Variants in ZNF235 observed in about 807,000 individuals in gnomAD.
ZNF235 encodes the protein zfp-93.
In ZNF235, 25 loss-of-function variants were observed where a neutral mutation model predicts 29.4. That is an observed-to-expected ratio of 0.85 (90% CI 0.62 to 1.19). ZNF235 has a LOEUF of 1.19. Among genes scored for constraint, ZNF235 ranks in the 50% most tolerant of loss-of-function variants. The pLI is 0.00. For missense variants in ZNF235, 788 were observed against 885.0 expected (o/e 0.89, Z 1.39); for synonymous variants, 300 against 295.3 (o/e 1.02, Z -0.16).
In ZNF235 at chr19:44,288,059, T is replaced by C; in HGVS notation, c.1376A>G (p.Tyr459Cys). 6.2e-7 allele frequency: 1 copy of C among 1,614,130 alleles called. No individual in the cohort carries two copies. The highest frequency in any genetic ancestry group is 1.1e-5 in the South Asian group (1 of 91,080). Residue 459 changes from tyrosine to cysteine, a missense_variant, in exon 5 of 5, where the codon TAC becomes TGC. Transcript: ENST00000291182. ...HQRVHTEEKP[Y>C]KCDECGKCFS... ...GCACTTACCACACTCATCACATTTG[T>C]ATGGTTTTTCTTCAGTGTGGACTCT...
chr19:44,304,900 G>A (rs931100069), intron 1 of ZNF235, 71 bp downstream of exon 1: 2 of 985,370 alleles, frequency 2.0e-6, no homozygotes, highest in Non-Finnish European at 2.4e-6. Context: ...AGCCAAGGAC[G>A]GGTTCATTGC....
At chr19:44,298,996 C>G (rs985647757) in intron 3 of ZNF235, 93 bp from the exon 4 acceptor site, 2 of 810,300 alleles carry the variant, frequency 2.5e-6, no homozygotes, top group Non-Finnish European at 2.0e-6. Flanking sequence ...TCCTCCCTGC[C>G]CCAGCATGCA....
intron 2 of ZNF235, among the ~76,000 whole-genome samples, chr19:44,301,798 G>T (rs1011992680): frequency 1.3e-5 from 2 of 152,088 alleles, no homozygotes; most frequent in Admixed American, 1.3e-4. Flanking sequence ...TTCTGGCTTA[G>T]GCACTGGAAG....
chr19:44,302,250 G>A (rs1975748668), intron 2 of ZNF235, among the ~76,000 whole-genome samples: 1 of 152,040 alleles, frequency 6.6e-6, no homozygotes, highest in Admixed American at 6.6e-5. Context: ...GAAGTTACAT[G>A]GGGAAAAACT....
rs1447241699 is a variant in ZNF235 at position 44,288,990 on chromosome 19, T to A, written c.445A>T (p.Ile149Phe). The change falls in exon 5 of 5, where the codon ATT (isoleucine) becomes TTT (phenylalanine). Residue 149 changes from isoleucine (I) to phenylalanine (F), a missense_variant. Ile to Phe is a conservative substitution (Grantham distance 21). Transcript: ENST00000291182. Reference protein sequence around the residue: ...SPCQVGAGESIQASVDDNCLV... With the variant: ...SPCQVGAGESFQASVDDNCLV... ...CAGTTGTCATCCACAGAAGCTTGAA[T>A]AGATTCTCCTGCTCCCACTTGACAG... 2 of 1,613,938 alleles carry A rather than the reference T, an allele frequency of 1.2e-6. No homozygotes were observed. Among genetic ancestry groups the A allele is most frequent in the East Asian group, 2.2e-5 (1 of 44,890 alleles).
Position 44,288,145 on chromosome 19 carries a change from T to C in ZNF235, c.1290A>G (p.Pro430=), listed in dbSNP as rs1975522006. Residue 430 remains proline, a synonymous_variant, in exon 5 of 5, where the codon CCA becomes CCG. Coordinates refer to ENST00000291182, the MANE Select transcript of ZNF235 (RefSeq NM_004234.4). Reference sequence around the variant, plus strand: ...GTTTACCACAATCCCCACATTTATATGGTTTCTCTCCAGTGTGAATTCTTT... The same window carrying C: ...GTTTACCACAATCCCCACATTTATACGGTTTCTCTCCAGTGTGAATTCTTT... ...AHERIHTGEK[P]YKCGDCGKRF... is the part of the protein sequence containing the mutation. The C allele has an allele frequency of 1.9e-6, 3 of 1,613,828 alleles. No homozygotes were observed. The highest frequency in any genetic ancestry group is 1.3e-5 in the African/African-American group (1 of 74,826).
chr19:44,287,090 ACTT>A lies in ZNF235; in HGVS notation c.*125_*127del. On this transcript the variant is annotated 3_prime_UTR_variant, in exon 5 of 5. Transcript: ENST00000291182. ...AAGTCTAAAACACAGCATTTGAGAG[ACTT>A]CTTTCCTGTCAAGATTCTTTGAAGC... 1.1e-6 allele frequency: 1 copy of A among 952,108 alleles called. No individual in the cohort carries two copies. Among genetic ancestry groups the A allele is most frequent in the South Asian group, 2.0e-5 (1 of 50,784 alleles). 59.0% of individuals were successfully genotyped at this position (952,108 alleles called of 1,614,324 possible). A position where few individuals can be genotyped will look rare whatever the true frequency, so the allele number is the denominator to read the frequency against.
In ZNF235 at chr19:44,301,437, A is replaced by G. The variant is rs58793152; in HGVS notation, c.16-1705T>C. 2.8e-3 allele frequency among the ~76,000 whole-genome samples: 422 copies of G among 151,546 alleles called. 2 individuals are homozygous for G. Among genetic ancestry groups the G allele is most frequent in the African/African-American group, 9.3e-3 (385 of 41,234 alleles). On this transcript the variant is annotated intron_variant, in intron 2 of 4. Coordinates refer to ENST00000291182, the MANE Select transcript of ZNF235 (RefSeq NM_004234.4). ...ACCAGGACATGCCAGGGACACATAC[A>G]TGTGTAGCATAGCCTCAAGTCCCTG...
At chr19:44,295,806 C>G (rs773122413) in intron 4 of ZNF235, among the ~76,000 whole-genome samples, 26 of 152,118 alleles carry the variant, frequency 1.7e-4, no homozygotes, top group Non-Finnish European at 3.4e-4. Flanking sequence ...GCCAACTGAT[C>G]TTTGATAAAG....
chr19:44,289,375 T>A, intron 4 of ZNF235, 179 bp from the exon 5 acceptor site: 3 of 580,678 alleles, frequency 5.2e-6, no homozygotes, highest in Non-Finnish European at 8.7e-6. Context: ...CCAAATGTTT[T>A]AAAAAGCCAT....
At position 44,288,492 on chromosome 19, in the gene ZNF235, C is replaced by G. The variant is rs779801655; in HGVS notation, c.943G>C (p.Gly315Arg). 7 of 1,614,138 alleles carry G rather than the reference C, an allele frequency of 4.3e-6. No individual in the cohort carries two copies. The highest frequency in any genetic ancestry group is 5.9e-6 in the Non-Finnish European group (7 of 1,180,020). Residue 315 changes from glycine to arginine, a missense_variant, in exon 5 of 5, where the codon GGG becomes CGG. By Grantham distance (125) the Gly-to-Arg change is moderately radical. Transcript: ENST00000291182. The part of the protein sequence containing the change: ...GIPVQQSVRT[G>R]KKRYWCHECG... ...TCATGACACCAATAGCGTTTTTTCC[C>G]AGTACGAACACTTTGTTGAACAGGA...
At position 44,287,205 on chromosome 19, in the gene ZNF235, A is replaced by G; in HGVS notation, c.*13T>C. ...GTGAGCTCTAACTGAAGGCTGAACC[A>G]CACCTCTCATTTCTACAGATTCCCT... On this transcript the variant is annotated 3_prime_UTR_variant, in exon 5 of 5. Transcript: ENST00000291182. The G allele has an allele frequency of 6.4e-7, 1 of 1,567,626 alleles. No individual in the cohort carries two copies. Among genetic ancestry groups the G allele is most frequent in the South Asian group, 1.2e-5 (1 of 82,840 alleles).
intron 4 of ZNF235, among the ~76,000 whole-genome samples, chr19:44,298,035 C>T (rs1307284961): frequency 6.6e-6 from 1 of 152,014 alleles, no homozygotes; most frequent in Non-Finnish European, 1.5e-5. Context: ...GGGAGGATTG[C>T]TTGAGCACAG....
Position 44,298,839 on chromosome 19 carries a change from C to T in ZNF235, c.207G>A (p.Lys69=). 2 of 1,614,050 alleles carry T rather than the reference C, an allele frequency of 1.2e-6. No individual in the cohort carries two copies. Among genetic ancestry groups the T allele is most frequent in the Non-Finnish European group, 8.5e-7 (1 of 1,179,912 alleles). Reference sequence around the variant, plus strand: ...GCTTACCTCTTTGGGTTTGAAGCTCCTTCATCCAAAGCTTTTCTTCCCTCT... The same window carrying T: ...GCTTACCTCTTTGGGTTTGAAGCTCTTTCATCCAAAGCTTTTCTTCCCTCT... ...QLEREEKLWM[K]ELQTQRGKHS... Residue 69 remains lysine, a synonymous_variant, in exon 4 of 5, where the codon AAG becomes AAA. Transcript: ENST00000291182.
Position 44,289,507 on chromosome 19 carries a change from C to T in ZNF235, c.239-311G>A, listed in dbSNP as rs138376999. 5.7e-3 allele frequency: 1,259 copies of T among 219,368 alleles called. 13 individuals are homozygous for T. The highest frequency in any genetic ancestry group is 0.027 in the African/African-American group (1,193 of 43,894). 13.6% of individuals were successfully genotyped at this position (219,368 alleles called of 1,614,324 possible). The stretch of plus-strand genomic sequence containing the variant: ...AGTATACACAACTCCAAAGTGAATG[C>T]TTTGTCCAGATGTTTCCAAATTTTA... On this transcript the variant is annotated intron_variant, in intron 4 of 4. Transcript: ENST00000291182.
chr19:44,301,471 C>T (rs74401411), intron 2 of ZNF235, among the ~76,000 whole-genome samples: 3 of 147,184 alleles, frequency 2.0e-5, no homozygotes, highest in South Asian at 4.3e-4. Flanking sequence ...TGAATAGTCT[C>T]TTTTTTTTTT....
rs1249042612 is a variant in ZNF235, at chr19:44,286,482, A to G, written c.*736T>C. 1 of 152,204 alleles carries G rather than the reference A, an allele frequency of 6.6e-6. No individual in the cohort carries two copies. The highest frequency in any genetic ancestry group is 1.9e-4 in the East Asian group (1 of 5,204). The allele number at this position is 152,204 out of a possible 1,614,324, so 9.4% of individuals were successfully genotyped here. On this transcript the variant is annotated 3_prime_UTR_variant, in exon 5 of 5. Transcript: ENST00000291182. ...CAGGGTCACATTAGATAAAAACAGT[A>G]TTGTTCAGTCTATAAACTGACACTA...
At chr19:44,303,912 C>A (rs772988793) in intron 1 of ZNF235, among the ~76,000 whole-genome samples, 14 of 152,206 alleles carry the variant, frequency 9.2e-5, no homozygotes, top group Non-Finnish European at 1.6e-4. Context: ...TTCTGACAAG[C>A]AAGTGCTATT....
rs767308378 is a variant in ZNF235 at position 44,287,615 on chromosome 19, C to T, written c.1820G>A (p.Arg607Gln). 1.5e-5 allele frequency: 24 copies of T among 1,613,910 alleles called. No homozygotes were observed. Among genetic ancestry groups the T allele is most frequent in the Middle Eastern group, 3.3e-4 (2 of 6,082 alleles). The change falls in exon 5 of 5, where the codon CGA becomes CAA. Residue 607 changes from arginine to glutamine, a missense_variant. Coordinates refer to ENST00000291182, the MANE Select transcript of ZNF235 (RefSeq NM_004234.4). ...TTGAAGGTGTGAGGCCTGACTGAATCGCTTCTGACATGCATCACACTTGAA... is the reference window on the plus strand; with the variant it reads ...TTGAAGGTGTGAGGCCTGACTGAATTGCTTCTGACATGCATCACACTTGAA... ...KPFKCDACQKRFSQASHLQAH... is the reference protein window; with the variant it reads ...KPFKCDACQKQFSQASHLQAH...
Sources: allele counts gnomAD v4.1 joint callset (sites outside exome capture counted in the v4.1 genomes callset), GRCh38; gene constraint gnomAD v4.1.1; transcripts MANE v1.5; gene names NCBI Gene and HGNC (gene_info 2026-07-23, HGNC 2026-07-21).